VSTM5: variants seen among roughly 807,000 people sequenced by gnomAD.
The protein encoded by VSTM5 is V-set and transmembrane domain containing 5, also known as V-set and transmembrane domain-containing protein 5.
Under a neutral mutation model 20.3 loss-of-function variants are expected in VSTM5, and 21 were observed. That is an observed-to-expected ratio of 1.03 (90% CI 0.73 to 1.49). The LOEUF (loss-of-function observed/expected upper bound fraction) is 1.49. Ranked by LOEUF, VSTM5 falls within the 40% of genes most tolerant of loss-of-function variation. The pLI is 0.00. For synonymous variants in VSTM5, 100 were observed against 102.5 expected (o/e 0.98, Z 0.14); for missense variants, 219 against 250.0 (o/e 0.88, Z 0.84).
chr11:93,818,374 T>A lies in VSTM5; in HGVS notation c.*2195A>T, dbSNP rs1944148107. ...AAGCAAAAACCTCAGGCTCTGCATT[T>A]TAAACCTTTCCACAGGAATGTTCAG... On this transcript the variant is annotated 3_prime_UTR_variant, in exon 4 of 4. Transcript: ENST00000409977. 1 of 152,170 alleles carries A rather than the reference T, an allele frequency of 6.6e-6. No homozygotes were observed. Among genetic ancestry groups the A allele is most frequent in the Admixed American group, 6.5e-5 (1 of 15,288 alleles). 9.4% of individuals were successfully genotyped at this position (152,170 alleles called of 1,614,324 possible). A position where few individuals can be genotyped will look rare whatever the true frequency, so the allele number is the denominator to read the frequency against.
chr11:93,820,993 T>C lies in VSTM5; in HGVS notation c.418+4A>G, dbSNP rs1944178147. On this transcript the variant is annotated splice_donor_region_variant and intron_variant, in intron 2 of 3. Coordinates refer to ENST00000409977, the MANE Select transcript of VSTM5 (RefSeq NM_001144871.2). ...GGGGTGCCCGGGGCCCTGGGATGTC[T>C]TACCAGAGACGTGCAGCACGATGGT... The C allele has an allele frequency of 4.5e-6, 7 of 1,551,396 alleles. No individual in the cohort carries two copies. Among genetic ancestry groups the C allele is most frequent in the Non-Finnish European group, 5.2e-6 (6 of 1,146,776 alleles).
intron 1 of VSTM5, among the ~76,000 whole-genome samples, chr11:93,848,950 C>T (rs554293359): frequency 1.3e-5 from 2 of 152,292 alleles, no homozygotes; most frequent in African/African-American, 4.8e-5. Context: ...ACCCATCCAC[C>T]TGCTCGAGAC....
At chr11:93,839,726 G>A (rs368367006) in intron 1 of VSTM5, among the ~76,000 whole-genome samples, 34 of 152,256 alleles carry the variant, frequency 2.2e-4, no homozygotes, top group East Asian at 3.9e-4. Context: ...TCAGACCTGC[G>A]CTCTACCCAA....
At chr11:93,840,062 C>T (rs957399148) in intron 1 of VSTM5, among the ~76,000 whole-genome samples, 1 of 152,202 alleles carries the variant, frequency 6.6e-6, no homozygotes, top group Non-Finnish European at 1.5e-5. Flanking sequence ...AATAGTCCCT[C>T]TTACAGGCCT....
chr11:93,818,784 G>C lies in VSTM5; in HGVS notation c.*1785C>G, dbSNP rs956910879. On this transcript the variant is annotated 3_prime_UTR_variant, in exon 4 of 4. Coordinates refer to ENST00000409977, the MANE Select transcript of VSTM5 (RefSeq NM_001144871.2). ...CAGCAGATTATCCTTGAGCCCCTTG[G>C]ATACTGCTCACCTCGTTTCTTCACA... The C allele has an allele frequency of 7.2e-5, 11 of 152,330 alleles. No homozygotes were observed. Among genetic ancestry groups the C allele is most frequent in the African/African-American group, 2.6e-4 (11 of 41,546 alleles). The allele number at this position is 152,330 out of a possible 1,614,324, so 9.4% of individuals were successfully genotyped here.
intron 1 of VSTM5, among the ~76,000 whole-genome samples, chr11:93,848,421 G>T (rs1372974312): frequency 1.3e-5 from 2 of 152,214 alleles, no homozygotes; most frequent in Non-Finnish European, 2.9e-5. Flanking sequence ...GGAGCTTACT[G>T]CTGTCCATGA....
In VSTM5 at chr11:93,820,846, G is replaced by A; in HGVS notation, c.456C>T (p.Ile152=). 1 of 1,550,696 alleles carries A rather than the reference G, an allele frequency of 6.4e-7. No individual in the cohort carries two copies. The highest frequency in any genetic ancestry group is 1.2e-5 in the South Asian group (1 of 84,060). Residue 152 remains isoleucine, a synonymous_variant, in exon 3 of 4, where the codon ATC becomes ATT. Transcript: ENST00000409977. The part of the protein sequence containing the change: ...LYEDLHFVAV[I]LAFLAAVAAV... The stretch of plus-strand genomic sequence containing the variant: ...CGGCCACAGCAGCGAGAAAAGCAAG[G>A]ATGACAGCGACAAAGTGCAGGTCTT...
Position 93,821,436 on chromosome 11 carries a change from C to T in VSTM5, c.92-113G>A, listed in dbSNP as rs1468170407. On this transcript the variant is annotated intron_variant, in intron 1 of 3. Transcript: ENST00000409977. ...TATTTATTGTGTGCCTATTATATGC[C>T]AGGAACTGTTCTAGGTTCTGGTGCT... The T allele has an allele frequency of 1.2e-5, 12 of 1,031,252 alleles. No individual in the cohort carries two copies. In the East Asian group the frequency reaches 2.9e-4, roughly 25 times the overall value. 63.9% of individuals were successfully genotyped at this position (1,031,252 alleles called of 1,614,324 possible).
At chr11:93,842,396 G>T (rs1944377638) in intron 1 of VSTM5, among the ~76,000 whole-genome samples, 1 of 152,230 alleles carries the variant, frequency 6.6e-6, no homozygotes, top group African/African-American at 2.4e-5. Context: ...ATTCTTTCCT[G>T]TGGAATTCCT....
chr11:93,820,808 C>T lies in VSTM5; in HGVS notation c.494G>A (p.Ser165Asn). Reference protein sequence around the residue: ...FLAAVAAVLISLMWVCNKCAY... With the variant: ...FLAAVAAVLINLMWVCNKCAY... ...ACACTTATTACAAACCCACATGAGG[C>T]TGATTAATACTGCGGCCACAGCAGC... The change falls in exon 3 of 4, where the codon AGC becomes AAC. Residue 165 changes from serine (S) to asparagine (N), a missense_variant. Coordinates refer to ENST00000409977, the MANE Select transcript of VSTM5 (RefSeq NM_001144871.2). 1.3e-6 allele frequency: 2 copies of T among 1,551,232 alleles called. No individual in the cohort carries two copies. The highest frequency in any genetic ancestry group is 1.7e-6 in the Non-Finnish European group (2 of 1,147,006).
rs367915745 is a variant in VSTM5 at position 93,844,374 on chromosome 11, G to A, written c.91+6038C>T. On this transcript the variant is annotated intron_variant, in intron 1 of 3. Transcript: ENST00000409977. ...AAACTGTCAGAGGAGCTTGACATTA[G>A]GTCCCCTTACCCGTGCCTAGTGCTG... Among the ~76,000 whole-genome samples, 177 of 152,208 alleles carry A rather than the reference G, an allele frequency of 1.2e-3. 3 individuals carry two copies. The South Asian group carries it at 0.035, about 31-fold the overall frequency.
chr11:93,829,442 C>T lies in VSTM5; in HGVS notation c.92-8119G>A, dbSNP rs545335613. On this transcript the variant is annotated intron_variant, in intron 1 of 3. Transcript: ENST00000409977. ...ACTTGGGAGGCTGAGGCACGAGAAT[C>T]GCTTGAACCTGGGAGGCACAGGTTG... Among the ~76,000 whole-genome samples the T allele has an allele frequency of 3.9e-5, 6 of 152,254 alleles. No homozygotes were observed. The South Asian group carries it at 1.2e-3, about 32-fold the overall frequency.
Position 93,820,985 on chromosome 11 carries a change from GGGATGT to G in VSTM5, c.418+6_418+11del, listed in dbSNP as rs1489376239. On this transcript the variant is annotated splice_donor_region_variant and intron_variant, in intron 2 of 3. Transcript: ENST00000409977. ...AGTTCAGAGGGGTGCCCGGGGCCCTGGGATGTCTTACCAGAGACGTGCAGCACGATG... is the reference window on the plus strand; with the variant it reads ...AGTTCAGAGGGGTGCCCGGGGCCCTGCTTACCAGAGACGTGCAGCACGATG... The G allele has an allele frequency of 6.4e-7, 1 of 1,551,092 alleles. No homozygotes were observed. The highest frequency in any genetic ancestry group is 1.2e-5 in the South Asian group (1 of 84,006).
chr11:93,847,868 A>C (rs1334622214), intron 1 of VSTM5, among the ~76,000 whole-genome samples: 1 of 152,200 alleles, frequency 6.6e-6, no homozygotes, highest in Non-Finnish European at 1.5e-5. Flanking sequence ...GCTCAAGATC[A>C]AGGTGCCAGT....
intron 1 of VSTM5, 135 bp from the exon 2 acceptor site, chr11:93,821,458 T>G (rs931239083): frequency 8.3e-6 from 7 of 845,002 alleles, no homozygotes; most frequent in Non-Finnish European, 1.3e-5. Context: ...TAGGTTCTGG[T>G]GCTTAAGCGA....
At chr11:93,840,049 T>C (rs1231183874) in intron 1 of VSTM5, among the ~76,000 whole-genome samples, 1 of 152,158 alleles carries the variant, frequency 6.6e-6, no homozygotes, top group African/African-American at 2.4e-5. Flanking sequence ...GGGAGCGACA[T>C]GGAATAGTCC....
chr11:93,821,317 C>A lies in VSTM5; in HGVS notation c.98G>T (p.Gly33Val), dbSNP rs1276191529. ...LAAARCLQSQ[G>V]VSLYIPQATI... ...GGCCTGAGGAATGTATAGGGACACA[C>A]CCTGACCTGCAGGATGATATGCTGG... Residue 33 changes from glycine to valine, a missense_variant, in exon 2 of 4, where the codon GGT (glycine) becomes GTT (valine). By Grantham distance (109) the Gly-to-Val change is moderately radical (BLOSUM62 -3). Transcript: ENST00000409977. The A allele has an allele frequency of 1.3e-6, 2 of 1,549,920 alleles. No individual in the cohort carries two copies. Among genetic ancestry groups the A allele is most frequent in the Non-Finnish European group, 1.7e-6 (2 of 1,145,522 alleles).
intron 1 of VSTM5, among the ~76,000 whole-genome samples, chr11:93,843,912 C>T (rs975498993): frequency 1.6e-4 from 24 of 152,272 alleles, no homozygotes; most frequent in Admixed American, 5.2e-4. Flanking sequence ...CTCAGCTCAC[C>T]GCTTTCCCAT....
rs944053727 is a variant in VSTM5 at position 93,844,837 on chromosome 11, C to T, written c.91+5575G>A. ...CTTACAATCCTTCAGTGCAGGGCCCCGCTGCTACCCCAGCTCTTGGCAAGC... is the reference window on the plus strand; with the variant it reads ...CTTACAATCCTTCAGTGCAGGGCCCTGCTGCTACCCCAGCTCTTGGCAAGC... On this transcript the variant is annotated intron_variant, in intron 1 of 3. Coordinates refer to ENST00000409977, the MANE Select transcript of VSTM5 (RefSeq NM_001144871.2). 8.3e-5 allele frequency among the ~76,000 whole-genome samples: 11 copies of T among 132,610 alleles called. 2 individuals carry two copies. Among genetic ancestry groups the T allele is most frequent in the Non-Finnish European group, 1.2e-4 (7 of 60,386 alleles). 87.0% of individuals were successfully genotyped at this position (132,610 alleles called of 152,430 possible). A position where few individuals can be genotyped will look rare whatever the true frequency, so the allele number is the denominator to read the frequency against.
Sources: gnomAD v4.1 joint callset for allele counts (sites outside exome capture counted in the v4.1 genomes callset) on GRCh38, gnomAD v4.1.1 for gene constraint, MANE v1.5 for transcripts, NCBI Gene and HGNC (gene_info 2026-07-23, HGNC 2026-07-21) for gene names.